Variants in DMGDH observed in about 807,000 individuals in gnomAD.
DMGDH encodes the protein dimethylglycine dehydrogenase.
In DMGDH, 76 loss-of-function variants were observed where a neutral mutation model predicts 95.2. That is an observed-to-expected ratio of 0.80 (90% confidence interval 0.66 to 0.97). The LOEUF (loss-of-function observed/expected upper bound fraction) is 0.97, where lower values mean the gene tolerates loss of function less well. DMGDH is among the 50% of genes least tolerant of loss of function. The pLI, the probability that DMGDH is intolerant of heterozygous loss-of-function variation, is 0.00. For missense variants in DMGDH, 987 were observed against 1,055.0 expected, an observed-to-expected ratio of 0.94 and a Z score of 0.89; for synonymous variants, 345 against 377.6, an observed-to-expected ratio of 0.91 and a Z score of 1.00.
chr5:79,021,022 C>CT, intron 14 of DMGDH: 1 of 985,404 alleles, frequency 1.0e-6, no homozygotes, highest in South Asian at 4.7e-5. Flanking sequence ...ACTGATTTTC[C>CT]TCCCAAAAGT....
At chr5:79,045,277 T>A in intron 5 of DMGDH, among the ~76,000 whole-genome samples, 1 of 152,226 alleles carries the variant, frequency 6.6e-6, no homozygotes, top group South Asian at 2.1e-4. Context: ...GTCTCATAAG[T>A]AGGCAGGGAG....
At chr5:79,024,390 C>G (rs1753941451) in intron 13 of DMGDH, 60 bp from the exon 14 acceptor site, 1 of 1,452,062 alleles carries the variant, frequency 6.9e-7, no homozygotes, top group Non-Finnish European at 9.7e-7. Flanking sequence ...GGTAACATCA[C>G]TTTCATATTT....
At position 79,033,382 on chromosome 5, in the gene DMGDH, AC is replaced by A. The variant is rs1754249460; in HGVS notation, c.1219del (p.Val407Ter). ...FGYGIIHAGG[V>X]GKYLSDWILH... The stretch of plus-strand genomic sequence containing the variant: ...GATCCAGTCACTGAGATATTTCCCT[AC>A]CCCACCAGCGTGGATTATGCCATAT... On this transcript the variant is annotated frameshift_variant, in exon 8 of 16. Coordinates refer to ENST00000255189, the MANE Select transcript of DMGDH (RefSeq NM_013391.3). LOFTEE classifies it high-confidence loss of function. 8 of 1,613,920 alleles carry A rather than the reference AC, an allele frequency of 5.0e-6. No individual in the cohort carries two copies. Among genetic ancestry groups the A allele is most frequent in the African/African-American group, 1.3e-5 (1 of 74,880 alleles).
chr5:79,063,494 A>G, intron 2 of DMGDH, 119 bp downstream of exon 2: 1 of 1,160,224 alleles, frequency 8.6e-7, no homozygotes. Flanking sequence ...TGCACTTCCA[A>G]CGCTATTGAA....
At chr5:79,066,315 T>C (rs928799995) in intron 1 of DMGDH, among the ~76,000 whole-genome samples, 1 of 152,160 alleles carries the variant, frequency 6.6e-6, no homozygotes, top group Non-Finnish European at 1.5e-5. Flanking sequence ...AGATGGAGTC[T>C]TGCTCTGTTG....
intron 2 of DMGDH, 135 bp from the exon 3 acceptor site, chr5:79,056,043 C>T (rs969002274): frequency 1.5e-6 from 1 of 667,448 alleles, no homozygotes; most frequent in African/African-American, 1.8e-5. Context: ...GATGAGAACA[C>T]ATCAGCACCA....
At position 79,032,674 on chromosome 5, in the gene DMGDH, G is replaced by A. The variant is rs746770032; in HGVS notation, c.1517+13C>T. ...TCGGTCAGAACCACAGGCAGGTAAA[G>A]TCCTTCTCCCACCTGTACTGAGTGT... On this transcript the variant is annotated intron_variant, in intron 9 of 15. Coordinates refer to ENST00000255189, the MANE Select transcript of DMGDH (RefSeq NM_013391.3). 2 of 1,614,084 alleles carry A rather than the reference G, an allele frequency of 1.2e-6. No homozygotes were observed. Among genetic ancestry groups the A allele is most frequent in the Non-Finnish European group, 1.7e-6 (2 of 1,180,004 alleles).
intron 3 of DMGDH, 53 bp from the exon 4 acceptor site, chr5:79,054,401 A>T (rs1255916163): frequency 6.4e-7 from 1 of 1,569,950 alleles, no homozygotes; most frequent in African/African-American, 1.4e-5. Context: ...TTTGGTACTC[A>T]AACATGGTTC....
At chr5:79,062,143 C>A (rs1480719102) in intron 2 of DMGDH, among the ~76,000 whole-genome samples, 1 of 152,004 alleles carries the variant, frequency 6.6e-6, no homozygotes, top group African/African-American at 2.4e-5. Context: ...GCTCCCTGGT[C>A]TCTGTTGGCA....
At chr5:79,037,183 C>T (rs1272803174) in intron 7 of DMGDH, among the ~76,000 whole-genome samples, 1 of 152,180 alleles carries the variant, frequency 6.6e-6, no homozygotes, top group Admixed American at 6.5e-5. Flanking sequence ...GTTTAAATCA[C>T]CTAGTCTATG....
chr5:79,000,300 A>G, intron 15 of DMGDH: 1 of 670,226 alleles, frequency 1.5e-6, no homozygotes, highest in South Asian at 1.4e-5. Flanking sequence ...GAAGATGCCC[A>G]CCAGCTGCTC....
chr5:79,063,616 G>T lies in DMGDH; in HGVS notation c.273C>A (p.His91Gln). The T allele has an allele frequency of 6.2e-7, 1 of 1,614,134 alleles. No homozygotes were observed. Among genetic ancestry groups the T allele is most frequent in the African/African-American group, 1.3e-5 (1 of 75,026 alleles). The change falls in exon 2 of 16, where the codon CAC becomes CAA. Residue 91 changes from histidine to glutamine, a missense_variant. Transcript: ENST00000255189. ...KSELTAGSTWHAAGLTTYFHP... is the reference protein window; with the variant it reads ...KSELTAGSTWQAAGLTTYFHP... ...CAGTTTGGGGTGCTTTTCTTACTGC[G>T]TGCCAGGTAGATCCAGCCGTGAGCT...
chr5:79,059,578 A>C (rs1003349398), intron 2 of DMGDH, among the ~76,000 whole-genome samples: 1 of 152,226 alleles, frequency 6.6e-6, no homozygotes, highest in Non-Finnish European at 1.5e-5. Flanking sequence ...AAAAAATTGA[A>C]ATGGATTAAA....
rs148916205 is a variant in DMGDH, at chr5:79,032,726, G to A, written c.1478C>T (p.Pro493Leu). The change falls in exon 9 of 16, where the codon CCG (proline) becomes CTG (leucine). Residue 493 changes from proline to leucine, a missense_variant. Coordinates refer to ENST00000255189, the MANE Select transcript of DMGDH (RefSeq NM_013391.3). ...SMGFHAGWEQ[P>L]HWFYKPGQDT... ...CTGGCCTGGTTTGTAGAACCAGTGC[G>A]GCTGCTCCCAGCCAGCATGGAACCC... 1.3e-4 allele frequency: 210 copies of A among 1,614,148 alleles called. No individual in the cohort carries two copies. The African/African-American group carries it at 2.3e-3, about 18-fold the overall frequency.
At chr5:79,045,506 C>T (rs1397027080) in intron 5 of DMGDH, among the ~76,000 whole-genome samples, 1 of 152,208 alleles carries the variant, frequency 6.6e-6, no homozygotes, top group Non-Finnish European at 1.5e-5. Context: ...ATCCTGTAAT[C>T]ATCACATCTT....
intron 14 of DMGDH, among the ~76,000 whole-genome samples, chr5:79,016,180 G>A (rs1753730491): frequency 6.6e-6 from 1 of 151,698 alleles, no homozygotes; most frequent in African/African-American, 2.4e-5. Flanking sequence ...AGAAGTTGCA[G>A]TGAGCCAAGA....
chr5:79,042,275 A>G lies in DMGDH; in HGVS notation c.1193+8T>C. 1 of 1,612,512 alleles carries G rather than the reference A, an allele frequency of 6.2e-7. No homozygotes were observed. The highest frequency in any genetic ancestry group is 8.5e-7 in the Non-Finnish European group (1 of 1,178,504). On this transcript the variant is annotated splice_region_variant and intron_variant, in intron 7 of 15. Transcript: ENST00000255189. ...ACAATAAATGTTGAATTACATGAAGATACTTACCCAAAGCCTATAGCCACC... is the reference window on the plus strand; with the variant it reads ...ACAATAAATGTTGAATTACATGAAGGTACTTACCCAAAGCCTATAGCCACC...
intron 10 of DMGDH, 102 bp from the exon 11 acceptor site, chr5:79,030,136 A>T: frequency 2.0e-6 from 2 of 1,006,948 alleles, no homozygotes; most frequent in Non-Finnish European, 3.0e-6. Flanking sequence ...AATGAAAAGT[A>T]TCTGAATCTT....
At position 78,998,238 on chromosome 5, in the gene DMGDH, G is replaced by A. The variant is rs549605143; in HGVS notation, c.2445C>T (p.Phe815=). 34 of 1,613,998 alleles carry A rather than the reference G, an allele frequency of 2.1e-5. No individual in the cohort carries two copies. The highest frequency in any genetic ancestry group is 4.5e-5 in the East Asian group (2 of 44,894). ...CACTTAGTTGTACAGGGACATATGC[G>A]AAAGCCAGACTCTTCTGGATGCTGT... ...YSYSIQKSLA[F]AYVPVQLSEV... Residue 815 remains phenylalanine (F), a synonymous_variant, in exon 16 of 16, where the codon TTC becomes TTT. Transcript: ENST00000255189.
Sources: allele counts gnomAD v4.1 joint callset (sites outside exome capture counted in the v4.1 genomes callset), GRCh38; gene constraint gnomAD v4.1.1; transcripts MANE v1.5; gene names NCBI Gene and HGNC (gene_info 2026-07-23, HGNC 2026-07-21).